GSAP: variants seen among roughly 807,000 people sequenced by gnomAD.
The protein encoded by GSAP is gamma-secretase activating protein.
GSAP carries 118 observed loss-of-function variants against 131.7 expected under a neutral mutation model. The ratio of observed to expected loss-of-function variants is 0.90; its 90% CI spans 0.77 to 1.04. GSAP has a LOEUF of 1.04. GSAP is among the 50% of genes least tolerant of loss of function. The pLI is 0.00. For synonymous variants in GSAP, 381 were observed against 363.4 expected, an observed-to-expected ratio of 1.05 and a Z score of -0.55; for missense variants, 1,019 against 1,013.2, an observed-to-expected ratio of 1.01 and a Z score of -0.08.
intron 19 of GSAP, among the ~76,000 whole-genome samples, chr7:77,348,312 C>T (rs1792217260): frequency 2.0e-5 from 3 of 152,146 alleles, no homozygotes; most frequent in Admixed American, 2.0e-4. Context: ...TTCTCTTCAT[C>T]TTCATATGTT....
chr7:77,330,970 G>T, intron 19 of GSAP: 1 of 480,674 alleles, frequency 2.1e-6, no homozygotes, highest in South Asian at 8.8e-5. Flanking sequence ...CCTGAAGCAA[G>T]AATGTATCCA....
chr7:77,373,582 ATTTT>A (rs1269878044), intron 12 of GSAP, among the ~76,000 whole-genome samples: 1 of 152,052 alleles, frequency 6.6e-6, no homozygotes, highest in Non-Finnish European at 1.5e-5. Flanking sequence ...TACCCTCTGC[ATTTT>A]TTCTATCTAT....
At chr7:77,399,652 T>A (rs1800993582) in intron 3 of GSAP, among the ~76,000 whole-genome samples, 1 of 150,596 alleles carries the variant, frequency 6.6e-6, no homozygotes, top group Admixed American at 6.7e-5. Flanking sequence ...AGTAATACAC[T>A]GCTTCCCATT....
intron 18 of GSAP, chr7:77,351,695 G>A (rs1792887543): frequency 2.0e-6 from 2 of 985,724 alleles, no homozygotes; most frequent in South Asian, 9.4e-5. Context: ...ACAATCTTGA[G>A]AAGTGCAAAA....
chr7:77,369,958 C>T (rs1284260836), intron 12 of GSAP, among the ~76,000 whole-genome samples: 2 of 152,086 alleles, frequency 1.3e-5, no homozygotes, highest in East Asian at 1.9e-4. Context: ...TCTACCCTTC[C>T]ACACACTGCC....
intron 6 of GSAP, among the ~76,000 whole-genome samples, chr7:77,382,943 T>C (rs1798010430): frequency 6.6e-6 from 1 of 152,180 alleles, no homozygotes; most frequent in Non-Finnish European, 1.5e-5. Context: ...CCCAGCACTT[T>C]GGGAAGCCAA....
chr7:77,411,281 A>G (rs1803243908), intron 1 of GSAP, among the ~76,000 whole-genome samples: 1 of 152,218 alleles, frequency 6.6e-6, no homozygotes, highest in South Asian at 2.1e-4. Flanking sequence ...AATCTGGTGT[A>G]TCATAAATCC....
intron 19 of GSAP, among the ~76,000 whole-genome samples, chr7:77,337,041 T>C (rs958064910): frequency 6.6e-6 from 1 of 152,236 alleles, no homozygotes; most frequent in African/African-American, 2.4e-5. Context: ...TACCATTACT[T>C]CAGACCACTA....
chr7:77,402,174 CAA>C (rs1801419427), intron 3 of GSAP, among the ~76,000 whole-genome samples: 1 of 151,626 alleles, frequency 6.6e-6, no homozygotes, highest in South Asian at 2.1e-4. Context: ...GCTCAATTAC[CAA>C]GAGAAAGATT....
chr7:77,354,099 G>A (rs1342145481), intron 16 of GSAP, among the ~76,000 whole-genome samples: 1 of 152,114 alleles, frequency 6.6e-6, no homozygotes, highest in African/African-American at 2.4e-5. Flanking sequence ...CTGAGGGAGG[G>A]ATAATCCCTG....
At chr7:77,326,544 C>G (rs965815500) in intron 22 of GSAP, 4 of 310,966 alleles carry the variant, frequency 1.3e-5, no homozygotes, top group Non-Finnish European at 2.4e-5. Flanking sequence ...CTAAAACTCA[C>G]TGCTAAGAAC....
chr7:77,332,158 G>A (rs548369399), intron 19 of GSAP, among the ~76,000 whole-genome samples: 1 of 152,204 alleles, frequency 6.6e-6, no homozygotes, highest in East Asian at 1.9e-4. Context: ...AAACTCAGAT[G>A]CCCTCTAACT....
chr7:77,311,485 TTA>T (rs1402085170), intron 30 of GSAP, 36 bp from the exon 31 acceptor site: 2 of 1,039,068 alleles, frequency 1.9e-6, no homozygotes, highest in East Asian at 4.7e-5. Flanking sequence ...GGAAAAAGGG[TTA>T]CCATGGGTCC....
chr7:77,369,721 T>C (rs1795836275), intron 12 of GSAP, among the ~76,000 whole-genome samples: 1 of 152,246 alleles, frequency 6.6e-6, no homozygotes, highest in East Asian at 1.9e-4. Context: ...ATTTAGATTA[T>C]ACTCTTTGCT....
rs373831770 is a variant in GSAP at position 77,328,642 on chromosome 7, G to A, written c.1734-5C>T. On this transcript the variant is annotated splice_region_variant and splice_polypyrimidine_tract_variant and intron_variant, in intron 21 of 30. Transcript: ENST00000257626. Reference sequence around the variant, plus strand: ...GCTTCTAGGTTAGAAATCACCCTACGAAGAAATTAGCCATGTTATTCACAG... The same window carrying A: ...GCTTCTAGGTTAGAAATCACCCTACAAAGAAATTAGCCATGTTATTCACAG... 63 of 1,540,926 alleles carry A rather than the reference G, an allele frequency of 4.1e-5. No homozygotes were observed. Among genetic ancestry groups the A allele is most frequent in the African/African-American group, 3.9e-4 (29 of 73,450 alleles).
intron 3 of GSAP, among the ~76,000 whole-genome samples, chr7:77,402,608 A>AG (rs1801540632): frequency 7.0e-6 from 1 of 143,720 alleles, no homozygotes; most frequent in Admixed American, 7.1e-5. Flanking sequence ...AAAAAAAAAA[A>AG]AAAAAAAAGA....
chr7:77,348,878 C>T (rs1792305940), intron 19 of GSAP, among the ~76,000 whole-genome samples: 1 of 152,186 alleles, frequency 6.6e-6, no homozygotes, highest in Non-Finnish European at 1.5e-5. Flanking sequence ...TTTTTACAAC[C>T]AGAAGGAAAT....
In GSAP at chr7:77,336,015, G is replaced by A. The variant is rs531324522; in HGVS notation, c.1546-5648C>T. ...CTAAACAGGAACACTCATACACAGG[G>A]CAAATGACCAGAACTCCTGAGGCTG... On this transcript the variant is annotated intron_variant, in intron 19 of 30. Coordinates refer to ENST00000257626, the MANE Select transcript of GSAP (RefSeq NM_017439.4). 2.6e-5 allele frequency among the ~76,000 whole-genome samples: 4 copies of A among 152,298 alleles called. 1 individual carries two copies. Among genetic ancestry groups the A allele is most frequent in the African/African-American group, 9.6e-5 (4 of 41,560 alleles).
chr7:77,338,977 G>A (rs1050548528), intron 19 of GSAP, among the ~76,000 whole-genome samples: 3 of 152,108 alleles, frequency 2.0e-5, no homozygotes, highest in Non-Finnish European at 4.4e-5. Context: ...ATCTACTAAG[G>A]AGAAAAGAAA....
Sources: gnomAD v4.1 joint callset for allele counts (sites outside exome capture counted in the v4.1 genomes callset) on GRCh38, gnomAD v4.1.1 for gene constraint, MANE v1.5 for transcripts, NCBI Gene and HGNC (gene_info 2026-07-23, HGNC 2026-07-21) for gene names.